ITGB6: variants seen among roughly 807,000 people sequenced by gnomAD.
ITGB6 encodes the protein integrin subunit beta 6.
In ITGB6, 80 loss-of-function variants were observed where a neutral mutation model predicts 84.5. That is an observed-to-expected ratio of 0.95 (90% CI 0.79 to 1.14). ITGB6 has a LOEUF of 1.14. Among genes scored for constraint, ITGB6 ranks in the 50% most tolerant of loss-of-function variants. The pLI is 0.00. For synonymous variants in ITGB6, 383 were observed against 354.9 expected, an observed-to-expected ratio of 1.08 and a Z score of -0.89; for missense variants, 1,006 against 968.0, an observed-to-expected ratio of 1.04 and a Z score of -0.52.
intron 7 of ITGB6, among the ~76,000 whole-genome samples, chr2:160,155,835 A>G (rs1684604299): frequency 6.6e-6 from 1 of 152,224 alleles, no homozygotes; most frequent in African/African-American, 2.4e-5. Flanking sequence ...GAAGTGTTCA[A>G]CATCAGGAAT....
At chr2:160,184,951 A>G (rs1452362473) in intron 4 of ITGB6, among the ~76,000 whole-genome samples, 2 of 152,206 alleles carry the variant, frequency 1.3e-5, no homozygotes, top group Non-Finnish European at 2.9e-5. Flanking sequence ...AAAAACTCTC[A>G]ATAAACTAGG....
chr2:160,135,559 A>C (rs1176719110), intron 10 of ITGB6, among the ~76,000 whole-genome samples: 1 of 151,976 alleles, frequency 6.6e-6, no homozygotes, highest in Non-Finnish European at 1.5e-5. Context: ...ACTACTTTAT[A>C]GTTCATATGG....
intron 8 of ITGB6, among the ~76,000 whole-genome samples, chr2:160,138,865 TG>T (rs1225392134): frequency 6.6e-6 from 1 of 152,230 alleles, no homozygotes; most frequent in East Asian, 1.9e-4. Flanking sequence ...TTAATATTTA[TG>T]TAGCAACAAT....
In ITGB6 at chr2:160,195,652, C is replaced by T. The variant is rs1426104986; in HGVS notation, c.347-37G>A. ...AACAGGAAAAGCAAACCCAGGAAAA[C>T]ACACTGAGATTTATTTGCTACTGGC... On this transcript the variant is annotated intron_variant, in intron 3 of 14. Transcript: ENST00000283249. The T allele has an allele frequency of 3.1e-6, 5 of 1,610,654 alleles. No individual in the cohort carries two copies. The South Asian group carries it at 3.3e-5, about 11-fold the overall frequency.
intron 4 of ITGB6, among the ~76,000 whole-genome samples, chr2:160,179,519 T>A (rs1392429743): frequency 6.6e-6 from 1 of 151,458 alleles, no homozygotes; most frequent in Non-Finnish European, 1.5e-5. Context: ...TAGCTGAGAT[T>A]ACAGGCATGC....
chr2:160,194,157 A>C (rs1313749061), intron 4 of ITGB6, among the ~76,000 whole-genome samples: 3 of 152,152 alleles, frequency 2.0e-5, no homozygotes, highest in African/African-American at 7.2e-5. Flanking sequence ...ACTCCATTTC[A>C]AAACAAAACA....
intron 10 of ITGB6, 23 bp downstream of exon 10, chr2:160,137,411 A>G: frequency 6.3e-7 from 1 of 1,586,200 alleles, no homozygotes; most frequent in Non-Finnish European, 8.6e-7. Flanking sequence ...CCACAGGGTA[A>G]GATGGATTTC....
At chr2:160,199,575 A>G (rs1373958491) in intron 1 of ITGB6, among the ~76,000 whole-genome samples, 2 of 152,190 alleles carry the variant, frequency 1.3e-5, no homozygotes, top group Non-Finnish European at 2.9e-5. Flanking sequence ...TGCCACTTTA[A>G]TTTTTAAAAA....
chr2:160,151,345 A>G (rs1190043822), intron 7 of ITGB6, among the ~76,000 whole-genome samples: 1 of 152,208 alleles, frequency 6.6e-6, no homozygotes, highest in Non-Finnish European at 1.5e-5. Context: ...CTGAATGACT[A>G]CTGGGTACAT....
At position 160,138,217 on chromosome 2, in the gene ITGB6, A is replaced by G. The variant is rs931813399; in HGVS notation, c.1108-18T>C. ...CGCAGTTCCTTTAGTTACAACATAA[A>G]GAGTTCAGTGAAGTCACAACCCCAA... On this transcript the variant is annotated intron_variant, in intron 8 of 14. Coordinates refer to ENST00000283249, the MANE Select transcript of ITGB6 (RefSeq NM_000888.5). 12 of 1,586,810 alleles carry G rather than the reference A, an allele frequency of 7.6e-6. No individual in the cohort carries two copies. Among genetic ancestry groups the G allele is most frequent in the Middle Eastern group, 1.7e-4 (1 of 5,942 alleles).
chr2:160,144,187 G>A (rs1226974092), intron 7 of ITGB6, among the ~76,000 whole-genome samples: 1 of 152,122 alleles, frequency 6.6e-6, no homozygotes, highest in East Asian at 1.9e-4. Flanking sequence ...ACAGGTGTGA[G>A]CCACTGAGCC....
At chr2:160,187,524 T>C (rs1041953824) in intron 4 of ITGB6, among the ~76,000 whole-genome samples, 1 of 152,190 alleles carries the variant, frequency 6.6e-6, no homozygotes, top group African/African-American at 2.4e-5. Flanking sequence ...TCCAACTATA[T>C]GTTTACATGA....
At chr2:160,192,618 G>A (rs1574146373) in intron 4 of ITGB6, among the ~76,000 whole-genome samples, 2 of 151,864 alleles carry the variant, frequency 1.3e-5, no homozygotes, top group Non-Finnish European at 2.9e-5. Flanking sequence ...TTAATAAGCT[G>A]GACTTCATCA....
At chr2:160,162,042 A>G (rs1574104424) in intron 7 of ITGB6, among the ~76,000 whole-genome samples, 1 of 152,234 alleles carries the variant, frequency 6.6e-6, no homozygotes, top group Admixed American at 6.5e-5. Flanking sequence ...AGTAAACTAT[A>G]GCTATACGTA....
chr2:160,158,754 G>C (rs774249352), intron 7 of ITGB6, among the ~76,000 whole-genome samples: 1 of 152,120 alleles, frequency 6.6e-6, no homozygotes, highest in Non-Finnish European at 1.5e-5. Flanking sequence ...CTTGATATTC[G>C]AAGTGTGATT....
At chr2:160,133,220 C>A in intron 10 of ITGB6, among the ~76,000 whole-genome samples, 1 of 152,096 alleles carries the variant, frequency 6.6e-6, no homozygotes, top group Admixed American at 6.6e-5. Context: ...GGAGGAAGAT[C>A]TACAAAGCAA....
intron 10 of ITGB6, among the ~76,000 whole-genome samples, chr2:160,134,509 T>G (rs2105813124): frequency 6.6e-6 from 1 of 152,316 alleles, no homozygotes; most frequent in Non-Finnish European, 1.5e-5. Flanking sequence ...CTTCTGAAAC[T>G]ATTCCAATCA....
chr2:160,133,968 T>G (rs1683588636), intron 10 of ITGB6, among the ~76,000 whole-genome samples: 2 of 151,958 alleles, frequency 1.3e-5, no homozygotes, highest in Admixed American at 1.3e-4. Context: ...GATCTAAAAC[T>G]GACACCCTAA....
intron 7 of ITGB6, among the ~76,000 whole-genome samples, chr2:160,150,252 A>G (rs1226275355): frequency 6.6e-6 from 1 of 152,230 alleles, no homozygotes; most frequent in African/African-American, 2.4e-5. Flanking sequence ...GATTAACAAC[A>G]GATCTCTCGG....
Sources: allele counts gnomAD v4.1 joint callset (sites outside exome capture counted in the v4.1 genomes callset), GRCh38; gene constraint gnomAD v4.1.1; transcripts MANE v1.5; gene names NCBI Gene and HGNC (gene_info 2026-07-23, HGNC 2026-07-21).